CASD1: variants seen among roughly 807,000 people sequenced by gnomAD.
The protein encoded by CASD1 is CAS1 domain sialic acid O acetyltransferase 1, also known as N-acetylneuraminate (7)9-O-acetyltransferase.
CASD1 carries 41 observed loss-of-function variants against 100.0 expected under a neutral mutation model. The ratio of observed to expected loss-of-function variants is 0.41; its 90% CI spans 0.32 to 0.53. The LOEUF (loss-of-function observed/expected upper bound fraction) is 0.53. Ranked by LOEUF, CASD1 falls within the 20% of genes least tolerant of loss-of-function variation. The probability of loss-of-function intolerance (pLI) is 0.25; values close to 1 mark genes in which losing one functional copy is unlikely to be tolerated. For missense variants in CASD1, 774 were observed against 948.7 expected, an observed-to-expected ratio of 0.82 and a Z score of 2.42; for synonymous variants, 321 against 315.6, an observed-to-expected ratio of 1.02 and a Z score of -0.18.
At chr7:94,609,554 C>T in the CASD1 span, among the ~76,000 whole-genome samples, 121 of 152,244 alleles carry the variant, frequency 7.9e-4, 2 homozygotes, top group Middle Eastern at 0.01. Flanking sequence ...AACAAAAAGC[C>T]AGAGACCTTA....
chr7:94,515,510 T>G (rs750184116), intron 1 of CASD1, among the ~76,000 whole-genome samples: 2 of 151,914 alleles, frequency 1.3e-5, no homozygotes, highest in Non-Finnish European at 1.5e-5. Flanking sequence ...TAGTATTGAC[T>G]GGAGGCAAAA....
At chr7:94,625,323 TAA>T in the CASD1 span, 17 of 152,184 alleles carry the variant, frequency 1.1e-4, no homozygotes, top group African/African-American at 3.8e-4. Flanking sequence ...TATTTACAGA[TAA>T]GTCACTATAT....
chr7:94,549,451 G>A, intron 13 of CASD1, 82 bp from the exon 14 acceptor site: 2 of 958,416 alleles, frequency 2.1e-6, no homozygotes, highest in South Asian at 3.7e-5. Flanking sequence ...CCAAACTTCA[G>A]AAAACTATAA....
the CASD1 span, among the ~76,000 whole-genome samples, chr7:94,593,087 C>G: frequency 6.6e-6 from 1 of 151,642 alleles, no homozygotes; most frequent in African/African-American, 2.4e-5. Flanking sequence ...GGAATTTTAC[C>G]ATAAAGTTAG....
At chr7:94,530,405 C>G (rs1240523209) in intron 5 of CASD1, among the ~76,000 whole-genome samples, 1 of 152,100 alleles carries the variant, frequency 6.6e-6, no homozygotes, top group Non-Finnish European at 1.5e-5. Flanking sequence ...AGGGAGTTGA[C>G]AAGAGATGAG....
the CASD1 span, among the ~76,000 whole-genome samples, chr7:94,592,140 G>A: frequency 1.3e-5 from 2 of 152,164 alleles, no homozygotes; most frequent in African/African-American, 2.4e-5. Flanking sequence ...TCCCAAACTT[G>A]TAACTAAATG....
At chr7:94,542,418 CTT>C (rs71120401) in intron 10 of CASD1, among the ~76,000 whole-genome samples, 12,006 of 152,104 alleles carry the variant, frequency 0.079, 706 homozygotes, top group East Asian at 0.23. Context: ...AATTCAAAAA[CTT>C]TATATAAAAG....
chr7:94,603,264 C>CTT, the CASD1 span: 1 of 1,591,902 alleles, frequency 6.3e-7, no homozygotes, highest in East Asian at 2.2e-5. Context: ...TTTAACTAAA[C>CTT]TTGCAAAAAC....
At chr7:94,578,896 G>A in the CASD1 span, among the ~76,000 whole-genome samples, 25 of 152,246 alleles carry the variant, frequency 1.6e-4, no homozygotes, top group Non-Finnish European at 2.8e-4. Flanking sequence ...TTCAAATTAT[G>A]TCTTAAATAT....
At chr7:94,517,500 A>G in intron 1 of CASD1, 60 bp from the exon 2 acceptor site, 1 of 1,045,506 alleles carries the variant, frequency 9.6e-7, no homozygotes, top group Non-Finnish European at 1.4e-6. Flanking sequence ...TAGGGTCAAG[A>G]TAGCCGATGT....
the CASD1 span, chr7:94,587,036 A>C: frequency 1.4e-5 from 14 of 984,674 alleles, no homozygotes; most frequent in Non-Finnish European, 1.7e-5. Context: ...GTGTTAACTA[A>C]AAAGGAGAGC....
chr7:94,534,259 C>G (rs1454660967), intron 7 of CASD1, among the ~76,000 whole-genome samples: 3 of 150,314 alleles, frequency 2.0e-5, no homozygotes, highest in Non-Finnish European at 3.0e-5. Flanking sequence ...CTCCGCCTCC[C>G]AGGCTCAAGC....
chr7:94,534,702 T>G (rs1432040384), intron 7 of CASD1, among the ~76,000 whole-genome samples: 1 of 152,140 alleles, frequency 6.6e-6, no homozygotes, highest in East Asian at 1.9e-4. Context: ...ATTTCCAAGT[T>G]GAATGTCAAG....
chr7:94,575,512 A>G, the CASD1 span, among the ~76,000 whole-genome samples: 1 of 152,258 alleles, frequency 6.6e-6, no homozygotes, highest in Middle Eastern at 3.4e-3. Flanking sequence ...ATGAGAATGC[A>G]TACTCTGTTT....
Position 94,545,264 on chromosome 7 carries a change from TTC to T in CASD1, c.1477-277_1477-276del, listed in dbSNP as rs1795620107. 2.6e-5 allele frequency among the ~76,000 whole-genome samples: 4 copies of T among 152,226 alleles called. No homozygotes were observed. The South Asian group carries it at 8.3e-4, about 32-fold the overall frequency. ...TATAGCCCTCAGAAGGACGACTTTT[TTC>T]TCTTTTAGCAAGATGGCAGTTATAG... is the stretch of plus-strand genomic sequence containing the variant. On this transcript the variant is annotated intron_variant, in intron 11 of 17. Transcript: ENST00000297273.
the CASD1 span, among the ~76,000 whole-genome samples, chr7:94,616,290 T>C: frequency 6.6e-6 from 1 of 152,258 alleles, no homozygotes; most frequent in East Asian, 1.9e-4. Flanking sequence ...ATGAAAAATT[T>C]TGCACTTATT....
chr7:94,595,813 C>T, the CASD1 span, among the ~76,000 whole-genome samples: 1 of 151,992 alleles, frequency 6.6e-6, no homozygotes, highest in Non-Finnish European at 1.5e-5. Flanking sequence ...CATATTCTGG[C>T]TTATAGGGAG....
the CASD1 span, among the ~76,000 whole-genome samples, chr7:94,583,091 C>T: frequency 3.7e-3 from 568 of 152,312 alleles, 5 homozygotes; most frequent in African/African-American, 0.013. Context: ...ACTCACCTCA[C>T]TTATTTGCTA....
the CASD1 span, among the ~76,000 whole-genome samples, chr7:94,632,737 T>C: frequency 6.6e-6 from 1 of 152,100 alleles, no homozygotes; most frequent in Non-Finnish European, 1.5e-5. Flanking sequence ...ATTTGTTACT[T>C]GCAAAACAAA....
Sources: gnomAD v4.1 joint callset for allele counts (sites outside exome capture counted in the v4.1 genomes callset) on GRCh38, gnomAD v4.1.1 for gene constraint, MANE v1.5 for transcripts, NCBI Gene and HGNC (gene_info 2026-07-23, HGNC 2026-07-21) for gene names.